Variants in MVP observed in about 807,000 individuals in gnomAD.
MVP encodes major vault protein.
Under a neutral mutation model 83.5 loss-of-function variants are expected in MVP, and 62 were observed. That is an observed-to-expected ratio of 0.74 (90% CI 0.61 to 0.92). The LOEUF (loss-of-function observed/expected upper bound fraction) is 0.92, where lower values mean the gene tolerates loss of function less well. Among genes scored for constraint, MVP ranks in the 40% least tolerant of loss-of-function variants. MVP has a pLI of 0.00. For synonymous variants in MVP, 505 were observed against 504.1 expected, an observed-to-expected ratio of 1.00 and a Z score of -0.02; for missense variants, 1,000 against 1,203.4, an observed-to-expected ratio of 0.83 and a Z score of 2.50.
Position 29,840,371 on chromosome 16 carries a change from C to A in MVP, c.1103C>A (p.Ser368Tyr). The A allele has an allele frequency of 6.2e-7, 1 of 1,603,110 alleles. No individual in the cohort carries two copies. The change falls in exon 8 of 15, where the codon TCT becomes TAT. Residue 368 changes from serine (S) to tyrosine (Y), a missense_variant. Transcript: ENST00000357402. The part of the protein sequence containing the change: ...LIRGPLEYVP[S>Y]AKVEVVEERQ... ...CGCGGACCCCTGGAGTATGTGCCAT[C>A]TGCCAAAGTGGAGGTGGTGGAGGAG... is the stretch of plus-strand genomic sequence containing the variant.
At position 29,841,032 on chromosome 16, in the gene MVP, G is replaced by T. The variant is rs930023248; in HGVS notation, c.1192-564G>T. Among the ~76,000 whole-genome samples the T allele has an allele frequency of 6.6e-6, 1 of 152,028 alleles. No homozygotes were observed. The highest frequency in any genetic ancestry group is 1.5e-5 in the Non-Finnish European group (1 of 68,018). On this transcript the variant is annotated intron_variant, in intron 8 of 14. Coordinates refer to ENST00000357402, the MANE Select transcript of MVP (RefSeq NM_005115.5). The surrounding 1 kb of genome is among the most constrained non-coding windows in gnomAD (Gnocchi z 4.7). ...GACCTGGTTTCCAGCATAAAGGTCT[G>T]ATGGGGTGGCCAGGGAACAGGAAGG...
At chr16:29,843,019 T>C (rs1435573753) in intron 10 of MVP, among the ~76,000 whole-genome samples, 2 of 152,248 alleles carry the variant, frequency 1.3e-5, no homozygotes, top group Admixed American at 1.3e-4. Context: ...GTTTGCAGCC[T>C]GTGGACCTGG....
At position 29,844,864 on chromosome 16, in the gene MVP, A is replaced by G. The variant is rs754965494; in HGVS notation, c.2006A>G (p.Gln669Arg). 3.3e-5 allele frequency: 53 copies of G among 1,600,654 alleles called. No homozygotes were observed. Among genetic ancestry groups the G allele is most frequent in the Non-Finnish European group, 4.3e-5 (51 of 1,178,078 alleles). Residue 669 changes from glutamine (Q) to arginine (R), a missense_variant, in exon 11 of 15, where the codon CAG becomes CGG. Gln to Arg is a conservative substitution (Grantham distance 43). Transcript: ENST00000357402. The stretch of plus-strand genomic sequence containing the variant: ...GCCATCGAGATCACCACCAACTCCC[A>G]GGAAGCGGCGGCCAAGTAAGTGAGG... Reference protein sequence around the residue: ...QLAIEITTNSQEAAAKHEAQR... With the variant: ...QLAIEITTNSREAAAKHEAQR...
chr16:29,844,997 T>G, intron 11 of MVP, 118 bp downstream of exon 11: 49 of 1,296,550 alleles, frequency 3.8e-5, no homozygotes, highest in Non-Finnish European at 4.2e-5. Context: ...CAAAGATCTA[T>G]TCCCTACCCA....
chr16:29,824,516 G>T (rs2067391859), intron 1 of MVP, among the ~76,000 whole-genome samples: 1 of 152,206 alleles, frequency 6.6e-6, no homozygotes. Context: ...TGTAATCCTA[G>T]CACTTTGGGA....
intron 1 of MVP, among the ~76,000 whole-genome samples, chr16:29,822,382 G>C (rs2067369501): frequency 6.6e-6 from 1 of 151,994 alleles, no homozygotes; most frequent in South Asian, 2.1e-4. Flanking sequence ...TCTCCTAAAG[G>C]GGGTAAACCA....
chr16:29,834,262 A>G lies in MVP; in HGVS notation c.577+196A>G, dbSNP rs1011889143. On this transcript the variant is annotated intron_variant, in intron 5 of 14. Coordinates refer to ENST00000357402, the MANE Select transcript of MVP (RefSeq NM_005115.5). ...ATGCTGTTTCCACTTGGGCTGGAAA[A>G]TGTGACCATGACCATGCGGATGTGG... 5.7e-6 allele frequency: 4 copies of G among 703,786 alleles called. No homozygotes were observed. In the African/African-American group the frequency reaches 7.2e-5, roughly 13 times the overall value. The allele number at this position is 703,786 out of a possible 1,614,324, so 43.6% of individuals were successfully genotyped here.
In MVP at chr16:29,837,138, T is replaced by C. The variant is rs62056374; in HGVS notation, c.909+180T>C. 9.8e-4 allele frequency among the ~76,000 whole-genome samples: 149 copies of C among 152,344 alleles called. 1 individual carries two copies. Among genetic ancestry groups the C allele is most frequent in the Non-Finnish European group, 1.8e-3 (120 of 68,028 alleles). ...ATTTGATTCCTGGCAGCCTCTGACT[T>C]ACCCCTCAGACCTGAAGTTAATTCC... is the stretch of plus-strand genomic sequence containing the variant. On this transcript the variant is annotated intron_variant, in intron 7 of 14. Transcript: ENST00000357402.
At position 29,847,887 on chromosome 16, in the gene MVP, A is replaced by G. The variant is rs2067599297; in HGVS notation, c.2580A>G (p.Arg860=). ...GMGPEGQPLG[R]RVASGPSPGE... ...GGCCCGAGGGTCAGCCCCTGGGCAGAAGGGTGGCCAGTGGGCCCAGCCCTG... is the reference window on the plus strand; with the variant it reads ...GGCCCGAGGGTCAGCCCCTGGGCAGGAGGGTGGCCAGTGGGCCCAGCCCTG... Residue 860 remains arginine, a synonymous_variant, in exon 15 of 15, where the codon AGA becomes AGG. Transcript: ENST00000357402. The G allele has an allele frequency of 1.2e-6, 2 of 1,613,988 alleles. No homozygotes were observed. The highest frequency in any genetic ancestry group is 1.7e-6 in the Non-Finnish European group (2 of 1,179,898).
At chr16:29,833,468 CTTTTTTTT>C (rs34663728) in intron 3 of MVP, 2 of 128,932 alleles carry the variant, frequency 1.6e-5, no homozygotes, top group South Asian at 9.0e-5. Flanking sequence ...CCTGGCTACA[CTTTTTTTT>C]TTTTTTTTTT....
Position 29,844,636 on chromosome 16 carries a change from A to G in MVP, c.1778A>G (p.Lys593Arg). 1 of 1,614,154 alleles carries G rather than the reference A, an allele frequency of 6.2e-7. No homozygotes were observed. Among genetic ancestry groups the G allele is most frequent in the Non-Finnish European group, 8.5e-7 (1 of 1,179,994 alleles). ...VASVTFDDFH[K>R]NSARIIRTAV... ...TCTGTCACTTTCGATGACTTCCATA[A>G]GAACTCAGCCCGCATCATTCGCACT... Residue 593 changes from lysine to arginine, a missense_variant, in exon 11 of 15, where the codon AAG becomes AGG. Physicochemically the swap from Lys to Arg is conservative, Grantham distance 26. Transcript: ENST00000357402.
At chr16:29,834,889 T>A (rs1596917830) in intron 5 of MVP, 2 of 119,772 alleles carry the variant, frequency 1.7e-5, no homozygotes, top group Non-Finnish European at 1.7e-5. Flanking sequence ...TTTTTTTTTT[T>A]AGTAGAGACA....
chr16:29,825,729 C>T (rs2067400434), intron 1 of MVP, among the ~76,000 whole-genome samples: 1 of 152,206 alleles, frequency 6.6e-6, no homozygotes, highest in Non-Finnish European at 1.5e-5. Flanking sequence ...CTGGGCCCAG[C>T]TGGGGCGGCA....
Position 29,833,936 on chromosome 16 carries a change from C to T in MVP, c.447C>T (p.Gly149=). The change falls in exon 5 of 15, where the codon GGC becomes GGT. Residue 149 remains glycine, a splice_region_variant and synonymous_variant. Coordinates refer to ENST00000357402, the MANE Select transcript of MVP (RefSeq NM_005115.5). ...AGDEWLFEGP[G]TYIPRKEVEV... is the part of the protein sequence containing the mutation. ...CTGACCATCACCTTCCCTCCCCAGGCACGTACATCCCCCGGAAGGAAGTGG... is the reference window on the plus strand; with the variant it reads ...CTGACCATCACCTTCCCTCCCCAGGTACGTACATCCCCCGGAAGGAAGTGG... The T allele has an allele frequency of 6.2e-7, 1 of 1,614,108 alleles. No homozygotes were observed. Among genetic ancestry groups the T allele is most frequent in the Non-Finnish European group, 8.5e-7 (1 of 1,180,008 alleles).
At chr16:29,824,239 A>C (rs1349469104) in intron 1 of MVP, among the ~76,000 whole-genome samples, 3 of 149,890 alleles carry the variant, frequency 2.0e-5, no homozygotes, top group East Asian at 1.9e-4. Context: ...AAAAAAAAAA[A>C]AACAGATTTC....
rs1196373360 is a variant in MVP at position 29,836,868 on chromosome 16, C to A, written c.819C>A (p.Ile273=). 1 of 1,613,944 alleles carries A rather than the reference C, an allele frequency of 6.2e-7. No homozygotes were observed. Among genetic ancestry groups the A allele is most frequent in the African/African-American group, 1.3e-5 (1 of 74,918 alleles). ...AGGAGGTGCTGGGGGTTGTGCCCAT[C>A]ACCACCCTGGGCCCCCACAACTACT... ...VHEEVLGVVP[I]TTLGPHNYCV... Residue 273 remains isoleucine, a synonymous_variant, in exon 7 of 15, where the codon ATC becomes ATA. Transcript: ENST00000357402.
At chr16:29,845,335 C>T (rs1209739852) in intron 11 of MVP, among the ~76,000 whole-genome samples, 1 of 152,054 alleles carries the variant, frequency 6.6e-6, no homozygotes, top group East Asian at 1.9e-4. Context: ...TTCCATGCTC[C>T]TCGTCCCTGG....
In MVP at chr16:29,841,479, G is replaced by A. The variant is rs2067533983; in HGVS notation, c.1192-117G>A. ...GGGTGGAGCCTGGCCTCCCCGTAGA[G>A]AAGGTGTTTAACCTCGTGGCGCGCC... On this transcript the variant is annotated intron_variant, in intron 8 of 14. Transcript: ENST00000357402. The surrounding 1 kb of genome is among the most constrained non-coding windows in gnomAD (Gnocchi z 4.7). 5 of 1,341,244 alleles carry A rather than the reference G, an allele frequency of 3.7e-6. No homozygotes were observed. Among genetic ancestry groups the A allele is most frequent in the Non-Finnish European group, 4.0e-6 (4 of 1,000,502 alleles). 83.1% of individuals were successfully genotyped at this position (1,341,244 alleles called of 1,614,324 possible). A position where few individuals can be genotyped will look rare whatever the true frequency, so the allele number is the denominator to read the frequency against.
chr16:29,847,155 C>A lies in MVP; in HGVS notation c.2266-42C>A, dbSNP rs539521577. On this transcript the variant is annotated intron_variant, in intron 13 of 14. Coordinates refer to ENST00000357402, the MANE Select transcript of MVP (RefSeq NM_005115.5). ...AGTGAGTCCTGATCTGCATTCCAGCCTGGGTCAAAAAATAAAGAATGATTG... is the reference window on the plus strand; with the variant it reads ...AGTGAGTCCTGATCTGCATTCCAGCATGGGTCAAAAAATAAAGAATGATTG... 5.0e-6 allele frequency: 8 copies of A among 1,599,192 alleles called. No individual in the cohort carries two copies. In the East Asian group the frequency reaches 1.8e-4, roughly 36 times the overall value.
Sources: gnomAD v4.1 joint callset for allele counts (sites outside exome capture counted in the v4.1 genomes callset) on GRCh38, gnomAD v4.1.1 for gene constraint, Gnocchi (gnomAD v3.1) non-coding constraint, MANE v1.5 for transcripts, NCBI Gene and HGNC (gene_info 2026-07-23, HGNC 2026-07-21) for gene names.